GPC5: variants seen among roughly 807,000 people sequenced by gnomAD.
GPC5 encodes the protein glypican 5.
In GPC5, 47 loss-of-function variants were observed where a neutral mutation model predicts 53.9. That is an observed-to-expected ratio of 0.87 (90% confidence interval 0.69 to 1.11). The LOEUF (loss-of-function observed/expected upper bound fraction) is 1.11, where lower values mean the gene tolerates loss of function less well. Ranked by LOEUF, GPC5 falls within the 50% of genes most tolerant of loss-of-function variation. GPC5 has a pLI of 0.00. For synonymous variants in GPC5, 286 were observed against 263.3 expected, an observed-to-expected ratio of 1.09 and a Z score of -0.84; for missense variants, 748 against 713.1, an observed-to-expected ratio of 1.05 and a Z score of -0.56.
chr13:92,243,841 AAAG>A (rs1215560719), intron 7 of GPC5, among the ~76,000 whole-genome samples: 1 of 152,144 alleles, frequency 6.6e-6, no homozygotes, highest in African/African-American at 2.4e-5. Flanking sequence ...GAGTACAGCT[AAAG>A]AAGAGATGGC....
intron 7 of GPC5, among the ~76,000 whole-genome samples, chr13:92,641,630 T>C (rs747665942): frequency 3.9e-5 from 6 of 152,178 alleles, no homozygotes; most frequent in African/African-American, 9.7e-5. Context: ...TCCCAATTGG[T>C]TTGAGGGGAA....
At chr13:91,646,118 C>T (rs1376697482) in intron 2 of GPC5, among the ~76,000 whole-genome samples, 1 of 152,116 alleles carries the variant, frequency 6.6e-6, no homozygotes, top group Admixed American at 6.5e-5. Context: ...AGCAGTGGCT[C>T]TCATAAAAAT....
At chr13:92,454,538 G>T (rs903364308) in intron 7 of GPC5, among the ~76,000 whole-genome samples, 2 of 152,126 alleles carry the variant, frequency 1.3e-5, no homozygotes, top group Non-Finnish European at 2.9e-5. Context: ...CATAATAAAT[G>T]CTCAAAAATA....
chr13:92,761,097 T>G (rs1875155174), intron 7 of GPC5, among the ~76,000 whole-genome samples: 1 of 152,146 alleles, frequency 6.6e-6, no homozygotes, highest in South Asian at 2.1e-4. Context: ...TTATGTGCAC[T>G]AAAGAAGAAT....
chr13:92,151,487 A>G (rs2041907167), intron 7 of GPC5, among the ~76,000 whole-genome samples: 1 of 152,180 alleles, frequency 6.6e-6, no homozygotes, highest in Non-Finnish European at 1.5e-5. Flanking sequence ...TAGCATTATA[A>G]GAAGGCATCA....
chr13:91,832,886 T>C (rs2038678730), intron 5 of GPC5, among the ~76,000 whole-genome samples: 1 of 151,548 alleles, frequency 6.6e-6, no homozygotes, highest in African/African-American at 2.4e-5. Context: ...AAGAAATAAA[T>C]AAGATCAGAG....
chr13:91,824,698 C>T (rs2038549312), intron 5 of GPC5, among the ~76,000 whole-genome samples: 1 of 139,010 alleles, frequency 7.2e-6, no homozygotes, highest in Non-Finnish European at 1.6e-5. Context: ...TTTCTTTGTC[C>T]CCTTCCCACT....
At chr13:92,574,488 A>G (rs1426727728) in intron 7 of GPC5, among the ~76,000 whole-genome samples, 1 of 152,224 alleles carries the variant, frequency 6.6e-6, no homozygotes, top group Non-Finnish European at 1.5e-5. Context: ...ACAGATTGTC[A>G]TAATTGATAT....
At chr13:91,962,711 A>T (rs1325926491) in intron 6 of GPC5, among the ~76,000 whole-genome samples, 1 of 152,146 alleles carries the variant, frequency 6.6e-6, no homozygotes, top group Non-Finnish European at 1.5e-5. Flanking sequence ...TTGTGAAAAA[A>T]AATGAGGTGG....
intron 7 of GPC5, among the ~76,000 whole-genome samples, chr13:92,862,479 C>T (rs896427898): frequency 1.3e-5 from 2 of 152,014 alleles, no homozygotes; most frequent in Non-Finnish European, 2.9e-5. Flanking sequence ...CCCAGCATTC[C>T]ATCTGCCCCG....
chr13:92,390,719 G>T (rs1007079333), intron 7 of GPC5, among the ~76,000 whole-genome samples: 2 of 151,794 alleles, frequency 1.3e-5, no homozygotes, highest in Admixed American at 6.6e-5. Flanking sequence ...TATGTGTGTG[G>T]CCAAAAAAGA....
At chr13:92,553,436 G>C (rs1438647655) in intron 7 of GPC5, among the ~76,000 whole-genome samples, 2 of 151,940 alleles carry the variant, frequency 1.3e-5, no homozygotes, top group Non-Finnish European at 2.9e-5. Context: ...TAGAATTTGA[G>C]TTGGATACCT....
chr13:92,755,860 T>C (rs1460750152), intron 7 of GPC5, among the ~76,000 whole-genome samples: 1 of 140,620 alleles, frequency 7.1e-6, no homozygotes, highest in African/African-American at 2.6e-5. Context: ...CCAAAAAGAG[T>C]CCAGGACCAG....
chr13:91,654,227 A>G (rs767073077), intron 2 of GPC5, among the ~76,000 whole-genome samples: 4 of 152,164 alleles, frequency 2.6e-5, no homozygotes, highest in Non-Finnish European at 5.9e-5. Context: ...AGGGCAACAC[A>G]TGTTCCATGA....
At chr13:92,189,093 G>C (rs1486113717) in intron 7 of GPC5, among the ~76,000 whole-genome samples, 1 of 152,154 alleles carries the variant, frequency 6.6e-6, no homozygotes, top group Non-Finnish European at 1.5e-5. Flanking sequence ...CATAGAAGGG[G>C]CATCACACTT....
At chr13:92,312,881 G>A (rs1248878282) in intron 7 of GPC5, among the ~76,000 whole-genome samples, 1 of 152,028 alleles carries the variant, frequency 6.6e-6, no homozygotes, top group Non-Finnish European at 1.5e-5. Context: ...CCGTGGTATA[G>A]GAATTAACTA....
intron 2 of GPC5, among the ~76,000 whole-genome samples, chr13:91,502,898 C>T (rs1884723502): frequency 6.6e-6 from 1 of 152,164 alleles, no homozygotes; most frequent in Non-Finnish European, 1.5e-5. Context: ...TACTGTGACT[C>T]CAAGGCTCAT....
chr13:92,755,224 TGAC>T (rs1414782374), intron 7 of GPC5, among the ~76,000 whole-genome samples: 22 of 140,368 alleles, frequency 1.6e-4, no homozygotes, highest in Middle Eastern at 7.1e-3. Context: ...TGCTCCTGAA[TGAC>T]TACTGGGTAC....
intron 5 of GPC5, among the ~76,000 whole-genome samples, chr13:91,780,398 T>C (rs1341045170): frequency 1.3e-5 from 2 of 152,196 alleles, no homozygotes; most frequent in East Asian, 3.8e-4. Flanking sequence ...TCCTCATGTA[T>C]TCATTATCTT....
Sources: allele counts gnomAD v4.1 joint callset (sites outside exome capture counted in the v4.1 genomes callset), GRCh38; gene constraint gnomAD v4.1.1; transcripts MANE v1.5; gene names NCBI Gene and HGNC (gene_info 2026-07-23, HGNC 2026-07-21).